The following RABGAP1L variants were observed in gnomAD, a reference collection of about 807,000 sequenced individuals.
RABGAP1L encodes RAB GTPase activating protein 1 like.
Under a neutral mutation model 137.7 loss-of-function variants are expected in RABGAP1L, and 63 were observed. That is an observed-to-expected ratio of 0.46 (90% CI 0.37 to 0.56). RABGAP1L has a LOEUF of 0.56. Ranked by LOEUF, RABGAP1L falls within the 20% of genes least tolerant of loss-of-function variation. RABGAP1L has a pLI of 0.00. For missense variants in RABGAP1L, 1,095 were observed against 1,244.0 expected, an observed-to-expected ratio of 0.88 and a Z score of 1.80; for synonymous variants, 431 against 433.7, an observed-to-expected ratio of 0.99 and a Z score of 0.08.
intron 14 of RABGAP1L, among the ~76,000 whole-genome samples, chr1:174,662,406 GTTGT>G (rs556333223): frequency 1.3e-3 from 193 of 150,124 alleles, no homozygotes; most frequent in Middle Eastern, 3.5e-3. Flanking sequence ...GCCTGGCCTG[GTTGT>G]TTGTTTGTTT....
intron 13 of RABGAP1L, among the ~76,000 whole-genome samples, chr1:174,574,707 T>C (rs747940589): frequency 1.2e-4 from 18 of 152,208 alleles, no homozygotes; most frequent in Admixed American, 4.6e-4. Flanking sequence ...TTCTCAACTG[T>C]TAGAGTATTC....
At chr1:174,841,450 G>C (rs1339771004) in intron 19 of RABGAP1L, among the ~76,000 whole-genome samples, 2 of 151,970 alleles carry the variant, frequency 1.3e-5, no homozygotes, top group Non-Finnish European at 1.5e-5. Context: ...TTGTGAGATG[G>C]AGCTAAAATA....
intron 1 of RABGAP1L, among the ~76,000 whole-genome samples, chr1:174,215,013 C>T (rs566854248): frequency 6.6e-6 from 1 of 152,262 alleles, no homozygotes; most frequent in African/African-American, 2.4e-5. Context: ...AAAAAGGTAT[C>T]TGCACAACAA....
At chr1:174,553,922 C>T (rs1039602344) in intron 13 of RABGAP1L, among the ~76,000 whole-genome samples, 2 of 152,028 alleles carry the variant, frequency 1.3e-5, no homozygotes, top group African/African-American at 4.8e-5. Context: ...CCGGGGAGGT[C>T]GAATCTGCAG....
chr1:174,850,271 G>A, intron 19 of RABGAP1L: 1 of 242,834 alleles, frequency 4.1e-6, no homozygotes, highest in Non-Finnish European at 8.1e-6. Context: ...TGAGGCCTTG[G>A]TGATTTAACA....
At position 174,224,325 on chromosome 1, in the gene RABGAP1L, A is replaced by G. The variant is rs543262232; in HGVS notation, c.331+3161A>G. 2.0e-5 allele frequency among the ~76,000 whole-genome samples: 3 copies of G among 152,132 alleles called. No individual in the cohort carries two copies. In the East Asian group the frequency reaches 5.8e-4, roughly 29 times the overall value. ...ACCCGGTGTCTACTAAAATACAAAA[A>G]TTAGCCGGGCATGGTGGTTCATGCC... On this transcript the variant is annotated intron_variant, in intron 3 of 25. Coordinates refer to ENST00000681986, the MANE Select transcript of RABGAP1L (RefSeq NM_001366446.1).
At chr1:174,432,469 C>T (rs1652753187) in intron 13 of RABGAP1L, among the ~76,000 whole-genome samples, 1 of 152,154 alleles carries the variant, frequency 6.6e-6, no homozygotes, top group South Asian at 2.1e-4. Flanking sequence ...TTTTATGTTA[C>T]TTTATTGCTA....
At chr1:174,803,937 G>C (rs1163566850) in intron 18 of RABGAP1L, among the ~76,000 whole-genome samples, 2 of 151,980 alleles carry the variant, frequency 1.3e-5, no homozygotes, top group African/African-American at 4.8e-5. Flanking sequence ...GTCAGGTGTG[G>C]GGGTGGGCGC....
chr1:174,320,084 C>T (rs79535847), intron 11 of RABGAP1L, among the ~76,000 whole-genome samples: 2,238 of 152,114 alleles, frequency 0.015, 45 homozygotes, highest in African/African-American at 0.05. Flanking sequence ...TGAAAATAAA[C>T]GGTATGAAGG....
At chr1:174,645,939 T>C (rs939100968) in intron 14 of RABGAP1L, among the ~76,000 whole-genome samples, 1 of 152,214 alleles carries the variant, frequency 6.6e-6, no homozygotes, top group African/African-American at 2.4e-5. Flanking sequence ...GGTTTTGATA[T>C]GCATTTCTCT....
rs1558021963 is a variant in RABGAP1L, at chr1:174,195,767, CTCT to C, written c.-33-23357_-33-23355del. Among the ~76,000 whole-genome samples the C allele has an allele frequency of 2.4e-3, 311 of 129,772 alleles. 2 individuals are homozygous for C. The highest frequency in any genetic ancestry group is 8.4e-3 in the African/African-American group (279 of 33,090). 85.1% of individuals were successfully genotyped at this position (129,772 alleles called of 152,430 possible). A position where few individuals can be genotyped will look rare whatever the true frequency, so the allele number is the denominator to read the frequency against. On this transcript the variant is annotated intron_variant, in intron 1 of 25. Coordinates refer to ENST00000681986, the MANE Select transcript of RABGAP1L (RefSeq NM_001366446.1). ...TCTTTCTTTCTCTCTTTCTCTCTTT[CTCT>C]CTTTCCTTTCTTTCTTTTCTTTCTT...
chr1:174,623,347 C>G (rs1180140537), intron 13 of RABGAP1L, among the ~76,000 whole-genome samples: 2 of 152,190 alleles, frequency 1.3e-5, no homozygotes, highest in African/African-American at 4.8e-5. Context: ...ACAATCCACA[C>G]TGCCCTCAGT....
At chr1:174,463,122 G>A (rs1408942762) in intron 13 of RABGAP1L, among the ~76,000 whole-genome samples, 4 of 152,042 alleles carry the variant, frequency 2.6e-5, no homozygotes, top group African/African-American at 9.7e-5. Context: ...CAGGGATCTA[G>A]AACTAGAAAT....
chr1:174,811,561 A>T (rs938465840), intron 18 of RABGAP1L, among the ~76,000 whole-genome samples: 1 of 152,120 alleles, frequency 6.6e-6, no homozygotes, highest in Non-Finnish European at 1.5e-5. Flanking sequence ...TTTGCCAGGA[A>T]CCATCATTCT....
chr1:174,648,243 CTAG>C (rs1180692659), intron 14 of RABGAP1L, among the ~76,000 whole-genome samples: 1 of 151,986 alleles, frequency 6.6e-6, no homozygotes, highest in African/African-American at 2.4e-5. Flanking sequence ...TTGTCTTCTG[CTAG>C]TTTTTGAATG....
rs568955158 is a variant in RABGAP1L at position 174,317,991 on chromosome 1, A to G, written c.1465+12864A>G. 6.1e-4 allele frequency among the ~76,000 whole-genome samples: 92 copies of G among 149,982 alleles called. 1 individual carries two copies. In the East Asian group the frequency reaches 8.2e-3, roughly 13 times the overall value. On this transcript the variant is annotated intron_variant, in intron 11 of 25. Coordinates refer to ENST00000681986, the MANE Select transcript of RABGAP1L (RefSeq NM_001366446.1). ...CCCTGTGCCCAGTGATGCTTACCCCACCATGTCACTGATGCCAGGGGTTAT... is the reference window on the plus strand; with the variant it reads ...CCCTGTGCCCAGTGATGCTTACCCCGCCATGTCACTGATGCCAGGGGTTAT...
intron 19 of RABGAP1L, among the ~76,000 whole-genome samples, chr1:174,868,657 T>C (rs768142617): frequency 1.3e-5 from 2 of 152,234 alleles, no homozygotes; most frequent in Non-Finnish European, 2.9e-5. Flanking sequence ...TAGATTAATA[T>C]CATTATATAA....
chr1:174,920,159 G>C (rs949878058), intron 19 of RABGAP1L, among the ~76,000 whole-genome samples: 3 of 152,212 alleles, frequency 2.0e-5, no homozygotes, highest in African/African-American at 4.8e-5. Flanking sequence ...CCTAACTACT[G>C]TATTAGTCCA....
chr1:174,600,940 A>C (rs1023790012), intron 13 of RABGAP1L, among the ~76,000 whole-genome samples: 15 of 152,308 alleles, frequency 9.8e-5, no homozygotes, highest in African/African-American at 3.4e-4. Context: ...GCCCTATCAG[A>C]GGTTCCCCAT....
Sources: gnomAD v4.1 joint callset for allele counts (sites outside exome capture counted in the v4.1 genomes callset) on GRCh38, gnomAD v4.1.1 for gene constraint, MANE v1.5 for transcripts, NCBI Gene and HGNC (gene_info 2026-07-23, HGNC 2026-07-21) for gene names.